USP38: variants seen among roughly 807,000 people sequenced by gnomAD.
USP38 encodes ubiquitin carboxyl-terminal hydrolase 38.
A neutral mutation model predicts 94.3 loss-of-function variants in USP38; 49 were observed. The observed-to-expected ratio is 0.52, with a 90% CI of 0.41 to 0.66. USP38 has a LOEUF of 0.66. Among genes scored for constraint, USP38 ranks in the 30% least tolerant of loss-of-function variants. The probability of loss-of-function intolerance (pLI) is 0.00; values close to 1 mark genes in which losing one functional copy is unlikely to be tolerated. For missense variants in USP38, 1,128 were observed against 1,229.4 expected, an observed-to-expected ratio of 0.92 and a Z score of 1.23; for synonymous variants, 468 against 463.6, an observed-to-expected ratio of 1.01 and a Z score of -0.12.
chr4:143,188,508 G>A (rs1445492842), intron 2 of USP38, among the ~76,000 whole-genome samples: 4 of 152,024 alleles, frequency 2.6e-5, no homozygotes, highest in Non-Finnish European at 5.9e-5. Flanking sequence ...GTTGCTCGTG[G>A]GAAGTCAGCT....
chr4:143,191,853 G>A (rs1462407915), intron 2 of USP38, among the ~76,000 whole-genome samples: 2 of 152,166 alleles, frequency 1.3e-5, no homozygotes, highest in African/African-American at 2.4e-5. Context: ...AGTGTCCTTG[G>A]AATTCAAATT....
rs768072618 is a variant in USP38, at chr4:143,206,094, C to T, written c.1271C>T (p.Ser424Phe). The T allele has an allele frequency of 9.3e-6, 15 of 1,613,646 alleles. No homozygotes were observed. The South Asian group carries it at 1.6e-4, about 18-fold the overall frequency. Residue 424 changes from serine (S) to phenylalanine (F), a missense_variant, in exon 6 of 10, where the codon TCT (serine) becomes TTT (phenylalanine). Coordinates refer to ENST00000307017, the MANE Select transcript of USP38 (RefSeq NM_032557.6). ...ATTCTCAATCAAAGTGCCTGGACTT[C>T]TCAATCCAATTCTTTGGCGTCTTGC... Reference protein sequence around the residue: ...KLILNQSAWTSQSNSLASCLS... With the variant: ...KLILNQSAWTFQSNSLASCLS...
chr4:143,210,072 TC>T (rs1205306095), intron 7 of USP38, among the ~76,000 whole-genome samples: 1 of 152,202 alleles, frequency 6.6e-6, no homozygotes, highest in Non-Finnish European at 1.5e-5. Context: ...TGGGCTTTTT[TC>T]TCTTTTCTTA....
At position 143,214,685 on chromosome 4, in the gene USP38, T is replaced by G. The variant is rs1367646446; in HGVS notation, c.2709T>G (p.Asp903Glu). 6.2e-7 allele frequency: 1 copy of G among 1,613,704 alleles called. No individual in the cohort carries two copies. Among genetic ancestry groups the G allele is most frequent in the South Asian group, 1.1e-5 (1 of 91,064 alleles). The part of the protein sequence containing the change: ...RDSPSAVFEQ[D>E]LENKEMSKEW... ...GTCCCAGTGCAGTTTTTGAACAGGA[T>G]TTGGAAAATAAGGAAATGTCAAAAG... The change falls in exon 9 of 10, where the codon GAT becomes GAG. Residue 903 changes from aspartate (D) to glutamate (E), a missense_variant. Transcript: ENST00000307017.
chr4:143,197,380 C>T (rs1432022305), intron 3 of USP38, among the ~76,000 whole-genome samples: 1 of 152,148 alleles, frequency 6.6e-6, no homozygotes, highest in African/African-American at 2.4e-5. Context: ...CACTAACCAC[C>T]ATGTGTTACT....
intron 2 of USP38, among the ~76,000 whole-genome samples, chr4:143,189,328 T>C (rs1302585628): frequency 1.3e-5 from 2 of 152,072 alleles, no homozygotes; most frequent in Non-Finnish European, 2.9e-5. Flanking sequence ...GTCTGTCTGT[T>C]CTTATTTAAT....
At chr4:143,219,746 T>C (rs1484354295) in intron 9 of USP38, among the ~76,000 whole-genome samples, 1 of 152,138 alleles carries the variant, frequency 6.6e-6, no homozygotes, top group East Asian at 1.9e-4. Flanking sequence ...AAGCACCTAA[T>C]AGTATTCTAA....
At position 143,195,856 on chromosome 4, in the gene USP38, G is replaced by A. The variant is rs1731531407; in HGVS notation, c.948+11G>A. ...CTGAAAATAGAACTGGTAAGTGGGA[G>A]TATGGAAATCTATTAGAATATATAG... On this transcript the variant is annotated intron_variant, in intron 3 of 9. Coordinates refer to ENST00000307017, the MANE Select transcript of USP38 (RefSeq NM_032557.6). 3 of 1,603,924 alleles carry A rather than the reference G, an allele frequency of 1.9e-6. No homozygotes were observed. Among genetic ancestry groups the A allele is most frequent in the Non-Finnish European group, 2.6e-6 (3 of 1,176,084 alleles).
chr4:143,200,872 C>G (rs1205496373), intron 4 of USP38, among the ~76,000 whole-genome samples: 1 of 151,960 alleles, frequency 6.6e-6, no homozygotes, highest in Non-Finnish European at 1.5e-5. Context: ...TCAAAGAAAT[C>G]AAGAAGACAC....
rs1732298200 is a variant in USP38, at chr4:143,220,536, T to G, written c.*80T>G. ...AAAATGTCAGACTATAACAAATATC[T>G]ATCTTTTATTTTTCATTAGACCCTT... On this transcript the variant is annotated 3_prime_UTR_variant, in exon 10 of 10. Coordinates refer to ENST00000307017, the MANE Select transcript of USP38 (RefSeq NM_032557.6). The G allele has an allele frequency of 1.9e-5, 25 of 1,337,486 alleles. No individual in the cohort carries two copies. Among genetic ancestry groups the G allele is most frequent in the Non-Finnish European group, 2.2e-5 (22 of 1,019,560 alleles). The allele number at this position is 1,337,486 out of a possible 1,614,324, so 82.9% of individuals were successfully genotyped here.
In USP38 at chr4:143,186,099, C is replaced by T; in HGVS notation, c.649C>T (p.Leu217=). ...KAEPATLLPS[L]QEVFASISST... ...CGAGCCTGCCACACTACTGCCTTCC[C>T]TGCAAGAAGTTTTTGCAAGCATCTC... The change falls in exon 1 of 10, where the codon CTG becomes TTG. Residue 217 remains leucine, a synonymous_variant. Coordinates refer to ENST00000307017, the MANE Select transcript of USP38 (RefSeq NM_032557.6). The T allele has an allele frequency of 5.0e-6, 8 of 1,614,112 alleles. No homozygotes were observed. Among genetic ancestry groups the T allele is most frequent in the Non-Finnish European group, 6.8e-6 (8 of 1,179,992 alleles).
chr4:143,213,362 A>G (rs1732081017), intron 8 of USP38, among the ~76,000 whole-genome samples: 1 of 152,226 alleles, frequency 6.6e-6, no homozygotes, highest in Admixed American at 6.6e-5. Context: ...AAGTAGCAGT[A>G]TGAAGAAAGT....
At chr4:143,205,657 G>C (rs1351968898) in intron 5 of USP38, among the ~76,000 whole-genome samples, 1 of 152,124 alleles carries the variant, frequency 6.6e-6, no homozygotes, top group Non-Finnish European at 1.5e-5. Flanking sequence ...ATGTTTAACT[G>C]TGTGCTAAAA....
intron 4 of USP38, among the ~76,000 whole-genome samples, chr4:143,199,636 C>T (rs923858306): frequency 6.6e-6 from 1 of 152,056 alleles, no homozygotes; most frequent in African/African-American, 2.4e-5. Flanking sequence ...TGAACCTCAC[C>T]AGCATGTCTT....
Position 143,197,801 on chromosome 4 carries a change from G to A in USP38, c.949-22G>A, listed in dbSNP as rs574029506. Reference sequence around the variant, plus strand: ...TGATTTTCCTGCAAATTCTTAAGAAGGTGTCTTGTCTTATTTTGAAGGTTT... The same window carrying A: ...TGATTTTCCTGCAAATTCTTAAGAAAGTGTCTTGTCTTATTTTGAAGGTTT... On this transcript the variant is annotated intron_variant, in intron 3 of 9. Coordinates refer to ENST00000307017, the MANE Select transcript of USP38 (RefSeq NM_032557.6). The A allele has an allele frequency of 5.7e-5, 87 of 1,535,314 alleles. No homozygotes were observed. In the East Asian group the frequency reaches 1.3e-3, roughly 23 times the overall value.
chr4:143,196,839 A>G (rs1422831068), intron 3 of USP38, among the ~76,000 whole-genome samples: 2 of 152,016 alleles, frequency 1.3e-5, no homozygotes, highest in Admixed American at 6.6e-5. Flanking sequence ...CCTAGAGGCT[A>G]CTCTATCCTT....
intron 2 of USP38, among the ~76,000 whole-genome samples, chr4:143,191,739 C>T (rs1731402570): frequency 6.6e-6 from 1 of 152,212 alleles, no homozygotes; most frequent in Non-Finnish European, 1.5e-5. Context: ...CTCTCAAGCT[C>T]ACAGTCTAAT....
At position 143,206,742 on chromosome 4, in the gene USP38, C is replaced by T. The variant is rs547766778; in HGVS notation, c.1403+516C>T. The stretch of plus-strand genomic sequence containing the variant: ...GCTTATTATTCATTGCATTTAAATG[C>T]CACTTTAAAGAAATTACTATTCCAA... On this transcript the variant is annotated intron_variant, in intron 6 of 9. Coordinates refer to ENST00000307017, the MANE Select transcript of USP38 (RefSeq NM_032557.6). 2.6e-5 allele frequency among the ~76,000 whole-genome samples: 4 copies of T among 152,222 alleles called. No individual in the cohort carries two copies. The East Asian group carries it at 7.7e-4, about 29-fold the overall frequency.
At chr4:143,215,073 A>G (rs1732148887) in intron 9 of USP38, 130 bp downstream of exon 9, 1 of 929,690 alleles carries the variant, frequency 1.1e-6, no homozygotes, top group Non-Finnish European at 1.6e-6. Flanking sequence ...ATTTACATGA[A>G]GTATTCTCAA....
Sources: allele counts gnomAD v4.1 joint callset (sites outside exome capture counted in the v4.1 genomes callset), GRCh38; gene constraint gnomAD v4.1.1; transcripts MANE v1.5; gene names NCBI Gene and HGNC (gene_info 2026-07-23, HGNC 2026-07-21).